DLG2: variants seen among roughly 807,000 people sequenced by gnomAD.
DLG2 encodes the protein disks large homolog 2.
A neutral mutation model predicts 132.5 loss-of-function variants in DLG2; 45 were observed. The ratio of observed to expected loss-of-function variants is 0.34; its 90% CI spans 0.27 to 0.44. The LOEUF is 0.44. Ranked by LOEUF, DLG2 falls within the 20% of genes least tolerant of loss-of-function variation. The pLI, the probability that DLG2 is intolerant of heterozygous loss-of-function variation, is 1.00. For synonymous variants in DLG2, 424 were observed against 419.6 expected (o/e 1.01, Z -0.13); for missense variants, 1,045 against 1,196.9 (o/e 0.87, Z 1.87).
At chr11:84,619,755 TA>T (rs1237058605) in intron 6 of DLG2, among the ~76,000 whole-genome samples, 3 of 151,850 alleles carry the variant, frequency 2.0e-5, no homozygotes, top group Admixed American at 6.6e-5. Context: ...ATGCTTTTTT[TA>T]AATGTAAAAT....
At chr11:83,724,718 C>T (rs2089631939) in intron 18 of DLG2, 2 of 622,612 alleles carry the variant, frequency 3.2e-6, no homozygotes, top group Admixed American at 2.4e-5. Context: ...GCAGTGGCTA[C>T]TAACAAACGG....
intron 5 of DLG2, among the ~76,000 whole-genome samples, chr11:85,123,544 T>C (rs1195170783): frequency 1.3e-5 from 2 of 152,142 alleles, no homozygotes; most frequent in Non-Finnish European, 2.9e-5. Flanking sequence ...CCATGACAAC[T>C]GGGATAGTGG....
chr11:83,689,940 A>T (rs2080583724), intron 18 of DLG2, among the ~76,000 whole-genome samples: 5 of 141,386 alleles, frequency 3.5e-5, no homozygotes, highest in African/African-American at 7.8e-5. Context: ...AATATATAAT[A>T]TATATTATAT....
chr11:85,583,112 GTGTGTGTGTGTGTGTGTGTATA>G (rs2078682178), intron 3 of DLG2, among the ~76,000 whole-genome samples: 8 of 53,598 alleles, frequency 1.5e-4, no homozygotes, highest in African/African-American at 5.3e-4. Flanking sequence ...GTGTGTGTGT[GTGTGTGTGTGTGTGTGTGTATA>G]TATATATATA....
At chr11:85,066,360 C>T (rs1251007707) in intron 6 of DLG2, among the ~76,000 whole-genome samples, 2 of 151,534 alleles carry the variant, frequency 1.3e-5, no homozygotes, top group African/African-American at 4.8e-5. Context: ...CTGAATTTTA[C>T]CAGATGTACA....
intron 19 of DLG2, among the ~76,000 whole-genome samples, chr11:83,619,134 GC>G (rs1447138802): frequency 6.6e-6 from 1 of 152,166 alleles, no homozygotes; most frequent in African/African-American, 2.4e-5. Context: ...GCATCCTGTA[GC>G]AGGAAACCTC....
At chr11:83,875,480 A>C (rs1178414358) in intron 15 of DLG2, among the ~76,000 whole-genome samples, 2 of 152,108 alleles carry the variant, frequency 1.3e-5, no homozygotes, top group Non-Finnish European at 2.9e-5. Flanking sequence ...TTGATTCTAG[A>C]GTCATTTTAA....
Position 83,967,859 on chromosome 11 carries a change from C to T in DLG2, c.1057-2391G>A, listed in dbSNP as rs145085387. On this transcript the variant is annotated intron_variant, in intron 12 of 27. Coordinates refer to ENST00000376104, the MANE Select transcript of DLG2 (RefSeq NM_001142699.3). ...AGAAATTTTATGGTTTTAGGTTTTA[C>T]GTTTAGGTCTTTTAGCCAAATTGAG... Among the ~76,000 whole-genome samples the T allele has an allele frequency of 3.4e-3, 520 of 152,164 alleles. 3 individuals carry two copies. The highest frequency in any genetic ancestry group is 0.01 in the African/African-American group (420 of 41,536).
At chr11:84,979,513 T>C (rs2055419445) in intron 6 of DLG2, among the ~76,000 whole-genome samples, 1 of 152,122 alleles carries the variant, frequency 6.6e-6, no homozygotes, top group Non-Finnish European at 1.5e-5. Context: ...TGTAGGGACA[T>C]GGATAAAGCT....
At chr11:84,633,222 G>C (rs1172654266) in intron 6 of DLG2, among the ~76,000 whole-genome samples, 6 of 152,098 alleles carry the variant, frequency 3.9e-5, no homozygotes, top group African/African-American at 1.4e-4. Flanking sequence ...AGACTTCTCA[G>C]CATATTATAC....
intron 6 of DLG2, among the ~76,000 whole-genome samples, chr11:84,723,446 T>C (rs1230360098): frequency 1.3e-5 from 2 of 152,182 alleles, no homozygotes; most frequent in Non-Finnish European, 2.9e-5. Context: ...TGCATGTGTA[T>C]GTGTTTATCT....
intron 6 of DLG2, among the ~76,000 whole-genome samples, chr11:84,720,057 T>A (rs1037101569): frequency 2.3e-4 from 35 of 152,194 alleles, no homozygotes; most frequent in African/African-American, 8.2e-4. Flanking sequence ...CATCTGCTCT[T>A]GTAGCCTCTG....
chr11:83,962,051 C>T (rs1024080516), intron 14 of DLG2, among the ~76,000 whole-genome samples: 15 of 152,138 alleles, frequency 9.9e-5, no homozygotes, highest in African/African-American at 3.1e-4. Context: ...TCCTCTCCGG[C>T]AGAAAGTCTC....
intron 3 of DLG2, among the ~76,000 whole-genome samples, chr11:85,445,036 G>C (rs2091946217): frequency 6.6e-6 from 1 of 152,126 alleles, no homozygotes; most frequent in Admixed American, 6.5e-5. Context: ...AGAAAGAACA[G>C]ATAAAACAAC....
At chr11:83,873,628 T>C (rs1009993524) in intron 16 of DLG2, among the ~76,000 whole-genome samples, 4 of 152,210 alleles carry the variant, frequency 2.6e-5, no homozygotes, top group African/African-American at 7.2e-5. Flanking sequence ...TATGTCTTTA[T>C]CAGCATCGTG....
intron 18 of DLG2, among the ~76,000 whole-genome samples, chr11:83,775,416 G>T (rs1327369208): frequency 6.6e-6 from 1 of 152,106 alleles, no homozygotes; most frequent in Non-Finnish European, 1.5e-5. Context: ...TTTAACCTCG[G>T]GAAAACCACT....
intron 8 of DLG2, among the ~76,000 whole-genome samples, chr11:84,165,695 C>T (rs1461318852): frequency 3.3e-5 from 5 of 152,008 alleles, no homozygotes; most frequent in African/African-American, 9.7e-5. Flanking sequence ...ATCAGGAGTT[C>T]GAGACCAGCC....
intron 6 of DLG2, among the ~76,000 whole-genome samples, chr11:84,742,801 A>T (rs1299444584): frequency 6.6e-6 from 1 of 152,052 alleles, no homozygotes; most frequent in African/African-American, 2.4e-5. Flanking sequence ...TATTTTGCCT[A>T]TTCATCCCTT....
intron 7 of DLG2, among the ~76,000 whole-genome samples, chr11:84,480,727 T>G (rs2099134759): frequency 6.6e-6 from 1 of 151,492 alleles, no homozygotes; most frequent in Non-Finnish European, 1.5e-5. Flanking sequence ...GTTTGTTTGC[T>G]TGTTTGGTTT....
Sources: gnomAD v4.1 joint callset for allele counts (sites outside exome capture counted in the v4.1 genomes callset) on GRCh38, gnomAD v4.1.1 for gene constraint, MANE v1.5 for transcripts, NCBI Gene and HGNC (gene_info 2026-07-23, HGNC 2026-07-21) for gene names.